The following MYT1L variants were observed in gnomAD, a reference collection of about 807,000 sequenced individuals.
The protein encoded by MYT1L is myelin transcription factor 1-like protein.
Under a neutral mutation model 126.7 loss-of-function variants are expected in MYT1L, and 12 were observed. That is an observed-to-expected ratio of 0.09 (90% CI 0.06 to 0.15). MYT1L has a LOEUF of 0.15. Ranked by LOEUF, MYT1L falls within the 10% of genes least tolerant of loss-of-function variation. The pLI is 1.00. For missense variants in MYT1L, 979 were observed against 1,585.2 expected, an observed-to-expected ratio of 0.62 and a Z score of 6.49; for synonymous variants, 541 against 604.2, an observed-to-expected ratio of 0.90 and a Z score of 1.53.
intron 14 of MYT1L, among the ~76,000 whole-genome samples, chr2:1,897,193 T>C (rs911100543): frequency 1.3e-5 from 2 of 152,232 alleles, no homozygotes; most frequent in African/African-American, 4.8e-5. Flanking sequence ...CAGTTAAAAT[T>C]GCTCAGGAAA....
At chr2:2,055,273 A>G (rs2069367909) in intron 3 of MYT1L, among the ~76,000 whole-genome samples, 1 of 152,196 alleles carries the variant, frequency 6.6e-6, no homozygotes, top group Non-Finnish European at 1.5e-5. Context: ...GCGGGTTGTC[A>G]TGTGTGTTTG....
chr2:1,890,126 G>A (rs1324215851), intron 15 of MYT1L, among the ~76,000 whole-genome samples: 2 of 151,018 alleles, frequency 1.3e-5, no homozygotes, highest in African/African-American at 2.4e-5. Context: ...CTGGAGTGCA[G>A]TGGCACGACC....
intron 3 of MYT1L, among the ~76,000 whole-genome samples, chr2:2,122,254 T>C (rs559877021): frequency 6.6e-6 from 1 of 152,302 alleles, no homozygotes; most frequent in Admixed American, 6.5e-5. Flanking sequence ...TCTTGGACGA[T>C]GTATTTGACC....
intron 2 of MYT1L, among the ~76,000 whole-genome samples, chr2:2,256,711 G>A (rs1350649019): frequency 3.9e-5 from 6 of 152,170 alleles, no homozygotes; most frequent in South Asian, 2.1e-4. Flanking sequence ...TTTTAAAAGC[G>A]AGAGCACTAA....
intron 2 of MYT1L, among the ~76,000 whole-genome samples, chr2:2,260,272 TAA>T (rs1280595879): frequency 6.6e-6 from 1 of 152,220 alleles, no homozygotes; most frequent in Non-Finnish European, 1.5e-5. Flanking sequence ...ATTGGAGTAA[TAA>T]AACTTGACAA....
chr2:2,043,556 T>G (rs914723036), intron 4 of MYT1L, among the ~76,000 whole-genome samples: 1 of 152,118 alleles, frequency 6.6e-6, no homozygotes, highest in Non-Finnish European at 1.5e-5. Context: ...CCCCTTCCAT[T>G]CTTTCCTGGA....
chr2:1,911,981 G>T, intron 12 of MYT1L, 39 bp downstream of exon 12: 1 of 1,475,284 alleles, frequency 6.8e-7, no homozygotes, highest in East Asian at 2.4e-5. Flanking sequence ...GAGAGCAGCC[G>T]GTGCTCCCTC....
rs766879621 is a variant in MYT1L, at chr2:2,224,926, C to T, written c.-420-51938G>A. On this transcript the variant is annotated intron_variant, in intron 2 of 24. Transcript: ENST00000647738. The surrounding 1 kb of genome is among the most constrained non-coding windows in gnomAD (Gnocchi z 4.0). The stretch of plus-strand genomic sequence containing the variant: ...TGGGCAGTCATACGCTGGGTTTGAG[C>T]CTCATGCTTGTTTGCTGGGCTCCAC... Among the ~76,000 whole-genome samples, 9 of 151,950 alleles carry T rather than the reference C, an allele frequency of 5.9e-5. No homozygotes were observed. The highest frequency in any genetic ancestry group is 1.3e-4 in the Non-Finnish European group (9 of 67,988).
intron 2 of MYT1L, among the ~76,000 whole-genome samples, chr2:2,272,335 T>A (rs73914907): frequency 3.9e-5 from 6 of 152,278 alleles, no homozygotes; most frequent in African/African-American, 1.4e-4. Flanking sequence ...AGGACACTCA[T>A]GGCAGGCTCT....
chr2:2,303,638 T>G (rs766662644), intron 1 of MYT1L: 4 of 152,220 alleles, frequency 2.6e-5, no homozygotes. Context: ...CCCCACTGGA[T>G]AGAGCACACA....
At chr2:2,052,906 T>C (rs1043404712) in intron 4 of MYT1L, among the ~76,000 whole-genome samples, 50 of 152,126 alleles carry the variant, frequency 3.3e-4, no homozygotes, top group African/African-American at 1.2e-3. Flanking sequence ...TAAAATATGA[T>C]CTACATGATC....
Position 2,246,665 on chromosome 2 carries a change from C to A in MYT1L, c.-421+37739G>T, listed in dbSNP as rs145369340. Among the ~76,000 whole-genome samples, 120 of 152,156 alleles carry A rather than the reference C, an allele frequency of 7.9e-4. 1 individual carries two copies. In the Middle Eastern group the frequency reaches 0.017, roughly 22 times the overall value. Reference sequence around the variant, plus strand: ...TTTATATACAAGGTAATTCACAATGCCTAAGTGAAAATCATCCAGAAGAAG... The same window carrying A: ...TTTATATACAAGGTAATTCACAATGACTAAGTGAAAATCATCCAGAAGAAG... On this transcript the variant is annotated intron_variant, in intron 2 of 24. Transcript: ENST00000647738.
At chr2:1,861,407 G>C (rs1483058545) in intron 18 of MYT1L, among the ~76,000 whole-genome samples, 1 of 151,980 alleles carries the variant, frequency 6.6e-6, no homozygotes, top group African/African-American at 2.4e-5. Flanking sequence ...AGGAGGGGAT[G>C]TACATGTTTT....
intron 2 of MYT1L, among the ~76,000 whole-genome samples, chr2:2,267,542 A>G (rs2095163704): frequency 6.6e-6 from 1 of 152,184 alleles, no homozygotes; most frequent in South Asian, 2.1e-4. Context: ...CAGAAAAAAA[A>G]TGCCCCAGAT....
intron 4 of MYT1L, among the ~76,000 whole-genome samples, chr2:2,000,017 G>A (rs2062211297): frequency 6.6e-6 from 1 of 152,226 alleles, no homozygotes; most frequent in Non-Finnish European, 1.5e-5. Flanking sequence ...AGAGCCAACA[G>A]AACAAAGAAT....
At chr2:2,255,473 G>A (rs751292382) in intron 2 of MYT1L, among the ~76,000 whole-genome samples, 1 of 152,118 alleles carries the variant, frequency 6.6e-6, no homozygotes, top group Non-Finnish European at 1.5e-5. Flanking sequence ...CCACCTAGAA[G>A]GGAGGGGAGA....
intron 3 of MYT1L, among the ~76,000 whole-genome samples, chr2:2,146,362 G>T (rs1224872042): frequency 6.6e-6 from 1 of 152,180 alleles, no homozygotes; most frequent in Non-Finnish European, 1.5e-5. Context: ...GAGTGAGTGT[G>T]GCACAAGGGC....
At chr2:1,826,701 G>A (rs1406766201) in intron 21 of MYT1L, among the ~76,000 whole-genome samples, 7 of 152,190 alleles carry the variant, frequency 4.6e-5, no homozygotes, top group South Asian at 2.1e-4. Context: ...CGGGGAAAGC[G>A]GAGGGCTCCC....
At chr2:2,285,248 G>A (rs1204023867) in intron 1 of MYT1L, among the ~76,000 whole-genome samples, 2 of 152,150 alleles carry the variant, frequency 1.3e-5, no homozygotes, top group Non-Finnish European at 2.9e-5. Context: ...ATTGCATTAT[G>A]GCAATGTATG....
Sources: gnomAD v4.1 joint callset for allele counts (sites outside exome capture counted in the v4.1 genomes callset) on GRCh38, gnomAD v4.1.1 for gene constraint, Gnocchi (gnomAD v3.1) non-coding constraint, MANE v1.5 for transcripts, NCBI Gene and HGNC (gene_info 2026-07-23, HGNC 2026-07-21) for gene names.